The following CBLN2 variants were observed in gnomAD, a reference collection of about 807,000 sequenced individuals.
The protein encoded by CBLN2 is cerebellin-2.
In CBLN2, 7 loss-of-function variants were observed where a neutral mutation model predicts 15.0. The ratio of observed to expected loss-of-function variants is 0.47; its 90% CI spans 0.27 to 0.88. The LOEUF (loss-of-function observed/expected upper bound fraction) is 0.88. Ranked by LOEUF, CBLN2 falls within the 40% of genes least tolerant of loss-of-function variation. The pLI is 0.14. For synonymous variants in CBLN2, 149 were observed against 135.2 expected (o/e 1.10, Z -0.71); for missense variants, 242 against 304.5 (o/e 0.79, Z 1.53).
Position 72,537,836 on chromosome 18 carries a change from C to T in CBLN2, c.*340G>A, listed in dbSNP as rs145307033. On this transcript the variant is annotated 3_prime_UTR_variant, in exon 5 of 5. Transcript: ENST00000269503. ...GTCAGGAGCTCTCCTTCCGTTGGGACGACAATACAACATACAAACAAAAGA... is the reference window on the plus strand; with the variant it reads ...GTCAGGAGCTCTCCTTCCGTTGGGATGACAATACAACATACAAACAAAAGA... 2.4e-5 allele frequency: 8 copies of T among 331,936 alleles called. No homozygotes were observed. The East Asian group carries it at 3.8e-4, about 16-fold the overall frequency. The allele number at this position is 331,936 out of a possible 1,614,324, so 20.6% of individuals were successfully genotyped here.
chr18:72,538,963 A>C (rs1381458953), intron 3 of CBLN2, 191 bp from the exon 4 acceptor site: 1 of 562,272 alleles, frequency 1.8e-6, no homozygotes, highest in East Asian at 2.8e-5. Context: ...GCAGGAAGTA[A>C]TCTCAAAGGT....
intron 1 of CBLN2, among the ~76,000 whole-genome samples, chr18:72,551,406 G>C (rs1475353374): frequency 6.6e-6 from 1 of 152,096 alleles, no homozygotes; most frequent in Non-Finnish European, 1.5e-5. Context: ...CAGAAGACTG[G>C]ACACATTTTA....
chr18:72,582,450 A>G (rs1320359168), intron 1 of CBLN2, among the ~76,000 whole-genome samples: 1 of 152,154 alleles, frequency 6.6e-6, no homozygotes, highest in African/African-American at 2.4e-5. Flanking sequence ...ATGTCAGCAG[A>G]CAGGCACACT....
chr18:72,618,788 G>T (rs2069679995), intron 1 of CBLN2: 1 of 733,356 alleles, frequency 1.4e-6, no homozygotes, highest in East Asian at 2.7e-5. Context: ...GGCCACAACT[G>T]TAAAGTTAGG....
intron 1 of CBLN2, among the ~76,000 whole-genome samples, chr18:72,596,199 C>T (rs369867809): frequency 1.3e-4 from 19 of 151,594 alleles, no homozygotes; most frequent in Admixed American, 3.9e-4. Flanking sequence ...TTTTGATTTG[C>T]GGTTACATGA....
intron 1 of CBLN2, among the ~76,000 whole-genome samples, chr18:72,614,241 C>T (rs1324841203): frequency 6.6e-6 from 1 of 152,164 alleles, no homozygotes; most frequent in African/African-American, 2.4e-5. Context: ...GCTATTTATA[C>T]ATTTCAACAT....
At chr18:72,632,419 A>T (rs1265024449) in intron 1 of CBLN2, among the ~76,000 whole-genome samples, 1 of 152,198 alleles carries the variant, frequency 6.6e-6, no homozygotes, top group Non-Finnish European at 1.5e-5. Context: ...CCAAACATAG[A>T]ACAAGTTAAA....
chr18:72,611,938 A>T (rs1206925704), intron 1 of CBLN2, among the ~76,000 whole-genome samples: 1 of 152,178 alleles, frequency 6.6e-6, no homozygotes, highest in Non-Finnish European at 1.5e-5. Context: ...ATAAAGATCC[A>T]GTTTCATTCT....
intron 1 of CBLN2, among the ~76,000 whole-genome samples, chr18:72,556,932 T>C (rs2069230574): frequency 6.6e-6 from 1 of 152,094 alleles, no homozygotes; most frequent in African/African-American, 2.4e-5. Context: ...TATGCAGACA[T>C]AGGCTTTTAA....
Position 72,542,330 on chromosome 18 carries a change from T to G in CBLN2, c.-166-4A>C. On this transcript the variant is annotated splice_polypyrimidine_tract_variant and splice_region_variant and intron_variant, in intron 2 of 4. Transcript: ENST00000269503. ...CAGAAGAAAGGCGCCTGTGAACCTG[T>G]CAGGGCACAGAACCCAAAGCCTTAC... 1 of 315,632 alleles carries G rather than the reference T, an allele frequency of 3.2e-6. No individual in the cohort carries two copies. The allele number at this position is 315,632 out of a possible 1,614,324, so 19.6% of individuals were successfully genotyped here. A position where few individuals can be genotyped will look rare whatever the true frequency, so the allele number is the denominator to read the frequency against.
At chr18:72,636,790 ATGGT>A (rs1425716801) in intron 1 of CBLN2, among the ~76,000 whole-genome samples, 1 of 152,158 alleles carries the variant, frequency 6.6e-6, no homozygotes. Context: ...TCCACTTGGC[ATGGT>A]TGTTGTAAGG....
intron 1 of CBLN2, among the ~76,000 whole-genome samples, chr18:72,599,389 T>C (rs2069533396): frequency 6.6e-6 from 1 of 152,158 alleles, no homozygotes; most frequent in Non-Finnish European, 1.5e-5. Context: ...CCCATATTTG[T>C]CCATGATTTT....
At chr18:72,590,631 G>T (rs1364842987) in intron 1 of CBLN2, among the ~76,000 whole-genome samples, 1 of 152,130 alleles carries the variant, frequency 6.6e-6, no homozygotes, top group African/African-American at 2.4e-5. Context: ...TGTCACTAGT[G>T]TACAGATTTT....
intron 3 of CBLN2, 96 bp downstream of exon 3, chr18:72,541,708 A>G (rs2069112946): frequency 1.1e-6 from 1 of 916,326 alleles, no homozygotes. Flanking sequence ...AGAGCCTGGG[A>G]ACTCCACGTC....
chr18:72,629,178 T>C (rs1245175014), intron 1 of CBLN2, among the ~76,000 whole-genome samples: 1 of 152,132 alleles, frequency 6.6e-6, no homozygotes, highest in East Asian at 1.9e-4. Context: ...CTTTTAAGAA[T>C]AATGAAATCC....
intron 1 of CBLN2, among the ~76,000 whole-genome samples, chr18:72,557,956 A>G (rs2069236922): frequency 6.6e-6 from 1 of 152,196 alleles, no homozygotes; most frequent in South Asian, 2.1e-4. Flanking sequence ...GAGTCCAAGC[A>G]TAAGAAAAAC....
intron 1 of CBLN2, among the ~76,000 whole-genome samples, chr18:72,554,397 T>C (rs1230010461): frequency 6.6e-6 from 1 of 152,168 alleles, no homozygotes; most frequent in East Asian, 1.9e-4. Flanking sequence ...ATGATTATTT[T>C]TGAAGTTATT....
intron 1 of CBLN2, among the ~76,000 whole-genome samples, chr18:72,557,675 G>A (rs1192434716): frequency 3.3e-5 from 5 of 152,138 alleles, no homozygotes; most frequent in African/African-American, 4.8e-5. Context: ...AACACCACAT[G>A]TTCTCACTAG....
chr18:72,544,467 AC>A (rs572782174), upstream of CBLN2: 77 of 152,300 alleles, frequency 5.1e-4, no homozygotes, highest in African/African-American at 1.8e-3. Context: ...GCAAACACGG[AC>A]GTGGGGCGCC....
Sources: gnomAD v4.1 joint callset for allele counts (sites outside exome capture counted in the v4.1 genomes callset) on GRCh38, gnomAD v4.1.1 for gene constraint, MANE v1.5 for transcripts, NCBI Gene and HGNC (gene_info 2026-07-23, HGNC 2026-07-21) for gene names.